Variants in BPIFB4 observed in about 807,000 individuals in gnomAD.
BPIFB4 encodes BPI fold containing family B member 4, also known as BPI fold-containing family B member 4.
BPIFB4 carries 62 observed loss-of-function variants against 69.2 expected under a neutral mutation model. The observed-to-expected ratio is 0.90, with a 90% CI of 0.73 to 1.11. The LOEUF (loss-of-function observed/expected upper bound fraction) is 1.11, where lower values mean the gene tolerates loss of function less well. BPIFB4 is among the 50% of genes least tolerant of loss of function. The pLI is 0.00. For missense variants in BPIFB4, 789 were observed against 792.0 expected, an observed-to-expected ratio of 1.00 and a Z score of 0.04; for synonymous variants, 330 against 332.7, an observed-to-expected ratio of 0.99 and a Z score of 0.09.
At chr20:33,080,249 A>G (rs1486602272) in intron 1 of BPIFB4, among the ~76,000 whole-genome samples, 1 of 152,236 alleles carries the variant, frequency 6.6e-6, no homozygotes, top group African/African-American at 2.4e-5. Context: ...GTGTGCCTAA[A>G]CAAAGGTGGC....
chr20:33,082,523 G>A (rs113807937), intron 3 of BPIFB4, among the ~76,000 whole-genome samples: 12,056 of 151,924 alleles, frequency 0.079, 531 homozygotes, highest in Middle Eastern at 0.13. Context: ...TAGTAGAGAC[G>A]GGGTTTCACC....
chr20:33,088,955 T>C lies in BPIFB4; in HGVS notation c.927-11T>C. ...GCGAGCCTTGACCTCATCCTGCTCCTGTCTCCTTAGGCTTCTCCCCAATCT... is the reference window on the plus strand; with the variant it reads ...GCGAGCCTTGACCTCATCCTGCTCCCGTCTCCTTAGGCTTCTCCCCAATCT... On this transcript the variant is annotated splice_polypyrimidine_tract_variant and intron_variant, in intron 7 of 17. Transcript: ENST00000375483. 1 of 1,613,666 alleles carries C rather than the reference T, an allele frequency of 6.2e-7. No individual in the cohort carries two copies. Among genetic ancestry groups the C allele is most frequent in the Non-Finnish European group, 8.5e-7 (1 of 1,179,636 alleles).
At position 33,097,763 on chromosome 20, in the gene BPIFB4, G is replaced by A; in HGVS notation, c.1545G>A (p.Glu515=). 1 of 1,613,986 alleles carries A rather than the reference G, an allele frequency of 6.2e-7. No individual in the cohort carries two copies. Among genetic ancestry groups the A allele is most frequent in the Non-Finnish European group, 8.5e-7 (1 of 1,179,900 alleles). The change falls in exon 13 of 18, where the codon GAG becomes GAA. Residue 515 remains glutamate, a synonymous_variant. Transcript: ENST00000375483. ...EVMVSQPKDL[E]TTICLIDVDT... ...TGGTCTCCCAGCCCAAAGACCTGGA[G>A]ACTACCATCTGCCTCATTGACGTGG...
At chr20:33,087,550 T>C (rs560328113) in intron 7 of BPIFB4, among the ~76,000 whole-genome samples, 16 of 152,320 alleles carry the variant, frequency 1.1e-4, no homozygotes, top group African/African-American at 3.8e-4. Context: ...CCTCTATTGT[T>C]GGATATAATT....
At position 33,082,968 on chromosome 20, in the gene BPIFB4, C is replaced by T. The variant is rs766351219; in HGVS notation, c.137C>T (p.Ala46Val). ...AISGMLQQSD[A>V]LHSALREVPL... is the part of the protein sequence containing the mutation. ...TCAGGCATGCTGCAGCAAAGTGATG[C>T]TCTCCACTCGGCCCTGAGAGAGGTG... The change falls in exon 4 of 18, where the codon GCT (alanine) becomes GTT (valine). Residue 46 changes from alanine to valine, a missense_variant. This residue lies in a region of BPIFB4 where 611 missense variants were observed against 575.4 expected (regional missense o/e 1.06). Coordinates refer to ENST00000375483, the MANE Select transcript of BPIFB4 (RefSeq NM_182519.3). The T allele has an allele frequency of 1.6e-5, 26 of 1,613,376 alleles. 1 individual carries two copies. The South Asian group carries it at 1.6e-4, about 10-fold the overall frequency.
At chr20:33,102,320 A>G (rs564818442) in intron 14 of BPIFB4, among the ~76,000 whole-genome samples, 1 of 152,234 alleles carries the variant, frequency 6.6e-6, no homozygotes. Flanking sequence ...AACAGCCCCG[A>G]ACGATTTCCG....
chr20:33,105,550 T>C (rs919893575), intron 16 of BPIFB4, among the ~76,000 whole-genome samples: 30 of 152,158 alleles, frequency 2.0e-4, no homozygotes, highest in African/African-American at 5.8e-4. Flanking sequence ...ATGGGGGTCA[T>C]TGGCTACTCA....
chr20:33,089,730 C>T lies in BPIFB4; in HGVS notation c.1051+172C>T, dbSNP rs942812425. The stretch of plus-strand genomic sequence containing the variant: ...TGGCTTTCCCTCTTGCTCCCAAACA[C>T]CCCCCCCGAGTACCAGAGGGAGGAG... On this transcript the variant is annotated intron_variant, in intron 9 of 17. Coordinates refer to ENST00000375483, the MANE Select transcript of BPIFB4 (RefSeq NM_182519.3). Among the ~76,000 whole-genome samples the T allele has an allele frequency of 1.7e-3, 21 of 12,192 alleles. No homozygotes were observed. The East Asian group carries it at 0.34, about 197-fold the overall frequency. The allele number at this position is 12,192 out of a possible 152,430, so 8.0% of individuals were successfully genotyped here.
intron 15 of BPIFB4, 125 bp downstream of exon 15, chr20:33,103,139 C>T (rs369992742): frequency 5.7e-6 from 6 of 1,048,588 alleles, no homozygotes; most frequent in East Asian, 2.4e-5. Flanking sequence ...AAAGTGCTCC[C>T]GTCAACACTA....
intron 13 of BPIFB4, 119 bp downstream of exon 13, chr20:33,097,906 C>T: frequency 1.7e-6 from 2 of 1,144,142 alleles, no homozygotes; most frequent in African/African-American, 3.1e-5. Flanking sequence ...ACTATGGGCC[C>T]AACTTTGGGG....
At chr20:33,087,121 G>A (rs546344061) in intron 7 of BPIFB4, among the ~76,000 whole-genome samples, 1 of 152,308 alleles carries the variant, frequency 6.6e-6, no homozygotes, top group South Asian at 2.1e-4. Context: ...GCAAGGAGAG[G>A]AGGGTGAGGA....
At position 33,092,571 on chromosome 20, in the gene BPIFB4, G is replaced by A. The variant is rs890778791; in HGVS notation, c.1257G>A (p.Gln419=). The A allele has an allele frequency of 2.5e-6, 4 of 1,613,934 alleles. No individual in the cohort carries two copies. In the African/African-American group the frequency reaches 4.0e-5, roughly 16 times the overall value. ...CCATGGGTGACAACACCAAGTCCCAGCTGGCCATGTCTGCCAACTTCCTGG... is the reference window on the plus strand; with the variant it reads ...CCATGGGTGACAACACCAAGTCCCAACTGGCCATGTCTGCCAACTTCCTGG... ...LPPMGDNTKS[Q]LAMSANFLGS... The change falls in exon 11 of 18, where the codon CAG becomes CAA. Residue 419 remains glutamine, a synonymous_variant. Coordinates refer to ENST00000375483, the MANE Select transcript of BPIFB4 (RefSeq NM_182519.3).
intron 5 of BPIFB4, among the ~76,000 whole-genome samples, chr20:33,084,401 G>A (rs1324425392): frequency 6.6e-6 from 1 of 152,184 alleles, no homozygotes; most frequent in Non-Finnish European, 1.5e-5. Context: ...TTGATAAGAA[G>A]CCTAAACATA....
chr20:33,098,855 A>G (rs569000827), intron 13 of BPIFB4, among the ~76,000 whole-genome samples: 3 of 151,888 alleles, frequency 2.0e-5, no homozygotes, highest in Admixed American at 2.0e-4. Context: ...CCATCCCCTC[A>G]TCACCTCTGA....
chr20:33,082,256 C>T (rs1981253588), intron 3 of BPIFB4, among the ~76,000 whole-genome samples: 1 of 152,190 alleles, frequency 6.6e-6, no homozygotes, highest in African/African-American at 2.4e-5. Flanking sequence ...ATCTTTCTAT[C>T]CATCAGACGG....
chr20:33,109,878 CT>C, intron 17 of BPIFB4, among the ~76,000 whole-genome samples: 1 of 152,264 alleles, frequency 6.6e-6, no homozygotes, highest in East Asian at 1.9e-4. Context: ...TGTAGGCCCC[CT>C]GTAAATGGCA....
intron 4 of BPIFB4, 88 bp from the exon 5 acceptor site, chr20:33,083,279 G>C: frequency 7.6e-7 from 1 of 1,313,204 alleles, no homozygotes; most frequent in Non-Finnish European, 1.0e-6. Context: ...TGGCAGTAGA[G>C]GGGGGCTGCT....
chr20:33,101,077 G>A lies in BPIFB4; in HGVS notation c.1637+584G>A, dbSNP rs139948516. On this transcript the variant is annotated intron_variant, in intron 14 of 17. Coordinates refer to ENST00000375483, the MANE Select transcript of BPIFB4 (RefSeq NM_182519.3). ...CAGTGATGATGATGAGGAGGAGGAC[G>A]AGGAGGAGGAGGAGGATGCTGGTGA... Among the ~76,000 whole-genome samples, 87 of 151,766 alleles carry A rather than the reference G, an allele frequency of 5.7e-4. 1 individual carries two copies. In the East Asian group the frequency reaches 8.9e-3, roughly 15 times the overall value.
At chr20:33,096,959 T>C (rs1308953392) in intron 12 of BPIFB4, among the ~76,000 whole-genome samples, 5 of 152,272 alleles carry the variant, frequency 3.3e-5, no homozygotes, top group African/African-American at 9.6e-5. Context: ...ACTGCCATTT[T>C]ATGAATTGTC....
Sources: allele counts gnomAD v4.1 joint callset (sites outside exome capture counted in the v4.1 genomes callset), GRCh38; gene constraint gnomAD v4.1.1; regional missense constraint gnomAD v4.1.1; transcripts MANE v1.5; gene names NCBI Gene and HGNC (gene_info 2026-07-23, HGNC 2026-07-21).